Variants in ZNF503 observed in about 807,000 individuals in gnomAD.
ZNF503 encodes zinc finger protein 503.
Under a neutral mutation model 34.4 loss-of-function variants are expected in ZNF503, and 15 were observed. The observed-to-expected ratio is 0.44, with a 90% CI of 0.29 to 0.67. The LOEUF (loss-of-function observed/expected upper bound fraction) is 0.67, where lower values mean the gene tolerates loss of function less well. Ranked by LOEUF, ZNF503 falls within the 30% of genes least tolerant of loss-of-function variation. The pLI is 0.13. For synonymous variants in ZNF503, 580 were observed against 456.8 expected (o/e 1.27, Z -3.44); for missense variants, 1,007 against 926.8 (o/e 1.09, Z -1.12).
chr10:75,286,900 T>C, the ZNF503 span, among the ~76,000 whole-genome samples: 4 of 152,208 alleles, frequency 2.6e-5, no homozygotes, highest in African/African-American at 9.7e-5. Flanking sequence ...CTAATTTACT[T>C]ATGACACTCC....
chr10:75,399,151 G>C lies in ZNF503; in HGVS notation c.1539C>G (p.Pro513=), dbSNP rs1168855671. The change falls in exon 2 of 2, where the codon CCC becomes CCG. Residue 513 remains proline, a synonymous_variant. Coordinates refer to ENST00000372524, the MANE Select transcript of ZNF503 (RefSeq NM_032772.6). The part of the protein sequence containing the change: ...YGFMLPNDPL[P]HICNWVSANG... ...TGGCCGACACCCAGTTGCAGATGTG[G>C]GGGAGTGGGTCGTTAGGGAGCATAA... 1.2e-6 allele frequency: 2 copies of C among 1,613,360 alleles called. No individual in the cohort carries two copies. The highest frequency in any genetic ancestry group is 1.6e-4 in the Middle Eastern group (1 of 6,062).
the ZNF503 span, among the ~76,000 whole-genome samples, chr10:75,329,037 G>A: frequency 6.6e-6 from 1 of 151,998 alleles, no homozygotes; most frequent in Non-Finnish European, 1.5e-5. Flanking sequence ...GTGAGCCACC[G>A]TGCTCGGCCT....
chr10:75,346,123 G>A, the ZNF503 span, among the ~76,000 whole-genome samples: 2 of 152,214 alleles, frequency 1.3e-5, no homozygotes, highest in African/African-American at 4.8e-5. Context: ...GAAGTGAGGT[G>A]AGGGGATGGA....
At chr10:75,350,188 G>A in the ZNF503 span, among the ~76,000 whole-genome samples, 2 of 152,216 alleles carry the variant, frequency 1.3e-5, no homozygotes, top group African/African-American at 4.8e-5. Flanking sequence ...CTGGAGGGCT[G>A]GAGGAGGACT....
chr10:75,311,988 G>A, the ZNF503 span, among the ~76,000 whole-genome samples: 17 of 151,690 alleles, frequency 1.1e-4, no homozygotes, highest in African/African-American at 3.9e-4. Flanking sequence ...CAAGTGGTCC[G>A]CCTGCCTCAG....
At chr10:75,292,820 C>T in the ZNF503 span, among the ~76,000 whole-genome samples, 1 of 152,180 alleles carries the variant, frequency 6.6e-6, no homozygotes, top group Non-Finnish European at 1.5e-5. Context: ...CTTGTGGTCT[C>T]CCTGGGATCT....
At chr10:75,336,389 A>G in the ZNF503 span, among the ~76,000 whole-genome samples, 1 of 151,728 alleles carries the variant, frequency 6.6e-6, no homozygotes, top group Non-Finnish European at 1.5e-5. Flanking sequence ...AAAAAAAAAA[A>G]AAAGCCTAAG....
chr10:75,348,184 TC>T, the ZNF503 span, among the ~76,000 whole-genome samples: 3,580 of 152,180 alleles, frequency 0.024, 127 homozygotes, highest in African/African-American at 0.081. Context: ...TGCTTCAGCC[TC>T]CCCAATAGCT....
chr10:75,294,862 T>C, the ZNF503 span, among the ~76,000 whole-genome samples: 1 of 151,824 alleles, frequency 6.6e-6, no homozygotes, highest in Non-Finnish European at 1.5e-5. Context: ...TGCGCGATGA[T>C]TGATGCGGGC....
At chr10:75,324,281 T>A in the ZNF503 span, among the ~76,000 whole-genome samples, 1 of 151,932 alleles carries the variant, frequency 6.6e-6, no homozygotes. Context: ...TAGTTTTACA[T>A]CGTACATTTA....
At chr10:75,337,141 T>G in the ZNF503 span, among the ~76,000 whole-genome samples, 6 of 150,876 alleles carry the variant, frequency 4.0e-5, no homozygotes, top group Admixed American at 2.0e-4. Flanking sequence ...CTGGGTAACA[T>G]GGTGAAACCC....
At chr10:75,303,056 T>C in the ZNF503 span, among the ~76,000 whole-genome samples, 1 of 152,180 alleles carries the variant, frequency 6.6e-6, no homozygotes, top group Non-Finnish European at 1.5e-5. Context: ...CCAAACTCCA[T>C]TATGTGAGAA....
At chr10:75,284,464 G>A in the ZNF503 span, among the ~76,000 whole-genome samples, 14 of 152,034 alleles carry the variant, frequency 9.2e-5, no homozygotes, top group African/African-American at 3.1e-4. Flanking sequence ...GGGGAAGAGA[G>A]GACAGGAAGG....
At chr10:75,378,282 C>A in the ZNF503 span, among the ~76,000 whole-genome samples, 2 of 152,248 alleles carry the variant, frequency 1.3e-5, no homozygotes, top group Admixed American at 6.5e-5. Context: ...TCTTTTCCAA[C>A]CCCCATCCCC....
chr10:75,297,437 C>G, the ZNF503 span, among the ~76,000 whole-genome samples: 2 of 152,210 alleles, frequency 1.3e-5, no homozygotes, highest in Admixed American at 1.3e-4. Context: ...GGGGATTTAG[C>G]AATATACAAA....
In ZNF503 at chr10:75,399,807, T is replaced by A; in HGVS notation, c.883A>T (p.Asn295Tyr). Residue 295 changes from asparagine (N) to tyrosine (Y), a missense_variant, in exon 2 of 2, where the codon AAC becomes TAC. By Grantham distance (143) the Asn-to-Tyr change is moderately radical. Coordinates refer to ENST00000372524, the MANE Select transcript of ZNF503 (RefSeq NM_032772.6). ...CCCGGGCCCCCATCCGGATGCTGGT[T>A]CACATCCACATTAATCCCGCCGCCG... ...SCGGGINVDV[N>Y]QHPDGGPGGK... The A allele has an allele frequency of 1.2e-6, 2 of 1,602,838 alleles. No individual in the cohort carries two copies. Among genetic ancestry groups the A allele is most frequent in the Non-Finnish European group, 1.7e-6 (2 of 1,176,796 alleles).
At chr10:75,371,748 G>A in the ZNF503 span, among the ~76,000 whole-genome samples, 2 of 152,152 alleles carry the variant, frequency 1.3e-5, no homozygotes, top group Non-Finnish European at 2.9e-5. Context: ...GTGATGAGAT[G>A]GTAGGGGTGG....
At chr10:75,337,697 C>T in the ZNF503 span, among the ~76,000 whole-genome samples, 5 of 152,018 alleles carry the variant, frequency 3.3e-5, no homozygotes, top group Non-Finnish European at 5.9e-5. Context: ...TCTTGGGGAA[C>T]CATCTTTAGA....
At chr10:75,331,408 C>A in the ZNF503 span, among the ~76,000 whole-genome samples, 3 of 152,206 alleles carry the variant, frequency 2.0e-5, no homozygotes, top group East Asian at 5.8e-4. Context: ...TGTTGAAGTC[C>A]CCAACTATTT....
Sources: allele counts gnomAD v4.1 joint callset (sites outside exome capture counted in the v4.1 genomes callset), GRCh38; gene constraint gnomAD v4.1.1; transcripts MANE v1.5; gene names NCBI Gene and HGNC (gene_info 2026-07-23, HGNC 2026-07-21).